Variants in HAUS1 observed in about 807,000 individuals in gnomAD.
HAUS1 encodes HAUS augmin-like complex subunit 1.
In HAUS1, 25 loss-of-function variants were observed where a neutral mutation model predicts 38.6. That is an observed-to-expected ratio of 0.65 (90% CI 0.47 to 0.91). The LOEUF (loss-of-function observed/expected upper bound fraction) is 0.91. Among genes scored for constraint, HAUS1 ranks in the 40% least tolerant of loss-of-function variants. The pLI, the probability that HAUS1 is intolerant of heterozygous loss-of-function variation, is 0.00. For synonymous variants in HAUS1, 109 were observed against 112.9 expected (o/e 0.97, Z 0.22); for missense variants, 325 against 328.4 (o/e 0.99, Z 0.08).
In HAUS1 at chr18:46,128,114, A is replaced by T. The variant is rs777640499; in HGVS notation, c.826A>T (p.Met276Leu). Reference protein sequence around the residue: ...EAELTRRVDMMEL With the variant: ...EAELTRRVDMLEL Reference sequence around the variant, plus strand: ...TGAACTTACAAGAAGAGTAGACATGATGGAACTGTGACAAAAGCCAAATAA... The same window carrying T: ...TGAACTTACAAGAAGAGTAGACATGTTGGAACTGTGACAAAAGCCAAATAA... The change falls in exon 9 of 9, where the codon ATG becomes TTG. Residue 276 changes from methionine (M) to leucine (L), a missense_variant. Transcript: ENST00000282058. 1.3e-6 allele frequency: 2 copies of T among 1,587,838 alleles called. No homozygotes were observed. The highest frequency in any genetic ancestry group is 1.7e-6 in the Non-Finnish European group (2 of 1,169,620).
At chr18:46,115,264 A>G (rs1010188988) in intron 2 of HAUS1, 2 of 152,226 alleles carry the variant, frequency 1.3e-5, no homozygotes, top group African/African-American at 4.8e-5. Flanking sequence ...GTTTGAGACC[A>G]GCTTTGCCAA....
chr18:46,120,868 G>T (rs890891063), intron 4 of HAUS1, among the ~76,000 whole-genome samples: 1 of 152,168 alleles, frequency 6.6e-6, no homozygotes, highest in East Asian at 1.9e-4. Context: ...TTACAGGCAT[G>T]AGCCACCGCA....
chr18:46,112,484 G>A (rs1467945594), intron 2 of HAUS1, among the ~76,000 whole-genome samples: 59 of 24,580 alleles, frequency 2.4e-3, no homozygotes, highest in African/African-American at 0.011. Flanking sequence ...TATATAATGT[G>A]TATATATTCC....
chr18:46,107,018 C>CA (rs138527062), intron 2 of HAUS1, among the ~76,000 whole-genome samples: 9,259 of 149,928 alleles, frequency 0.062, 377 homozygotes, highest in African/African-American at 0.12. Context: ...CTCTCAACAA[C>CA]AAAAAAAAAT....
chr18:46,125,796 G>A lies in HAUS1; in HGVS notation c.786+5G>A, dbSNP rs1912087813. 1.3e-6 allele frequency: 2 copies of A among 1,563,974 alleles called. No homozygotes were observed. The highest frequency in any genetic ancestry group is 8.8e-7 in the Non-Finnish European group (1 of 1,141,010). On this transcript the variant is annotated splice_donor_5th_base_variant and intron_variant, in intron 8 of 8. Coordinates refer to ENST00000282058, the MANE Select transcript of HAUS1 (RefSeq NM_138443.4). ...GAAGAAGCAAAGCGAGAACTAGTAAGTAGTTCCTGTAATTTTTTCAGATTT... is the reference window on the plus strand; with the variant it reads ...GAAGAAGCAAAGCGAGAACTAGTAAATAGTTCCTGTAATTTTTTCAGATTT...
Position 46,125,240 on chromosome 18 carries a change from A to T in HAUS1, c.738+347A>T, listed in dbSNP as rs908343491. Among the ~76,000 whole-genome samples the T allele has an allele frequency of 3.9e-5, 6 of 152,020 alleles. No individual in the cohort carries two copies. The East Asian group carries it at 1.2e-3, about 29-fold the overall frequency. On this transcript the variant is annotated intron_variant, in intron 7 of 8. Coordinates refer to ENST00000282058, the MANE Select transcript of HAUS1 (RefSeq NM_138443.4). ...GTGCCACCACACTCCAGCCTGCTCA[A>T]CAGAGCAAGACTCCATCTCAAAAAA...
chr18:46,111,613 C>T (rs573532843), intron 2 of HAUS1, among the ~76,000 whole-genome samples: 11 of 152,032 alleles, frequency 7.2e-5, no homozygotes, highest in Non-Finnish European at 1.3e-4. Context: ...TGAGCCACAG[C>T]GCCCAGCCTA....
At chr18:46,117,351 A>T (rs1395617698) in intron 2 of HAUS1, among the ~76,000 whole-genome samples, 1 of 152,272 alleles carries the variant, frequency 6.6e-6, no homozygotes, top group Non-Finnish European at 1.5e-5. Context: ...TTATTCAGCC[A>T]TAAGAAGGAA....
chr18:46,104,664 C>T (rs2144238571), intron 1 of HAUS1, among the ~76,000 whole-genome samples: 1 of 152,216 alleles, frequency 6.6e-6, no homozygotes, highest in South Asian at 2.1e-4. Context: ...GGATCTGGCC[C>T]GGGAGAGGCG....
intron 2 of HAUS1, among the ~76,000 whole-genome samples, chr18:46,114,181 A>G (rs1644878833): frequency 6.6e-6 from 1 of 152,206 alleles, no homozygotes; most frequent in South Asian, 2.1e-4. Flanking sequence ...TAATTGCCCT[A>G]CAGTTTAGCC....
intron 3 of HAUS1, 148 bp from the exon 4 acceptor site, chr18:46,119,778 A>G: frequency 3.4e-6 from 2 of 591,986 alleles, no homozygotes; most frequent in Non-Finnish European, 5.4e-6. Context: ...ATTCCAGGCA[A>G]TGGGAACAGT....
chr18:46,124,892 C>T lies in HAUS1; in HGVS notation c.737C>T (p.Pro246Leu), dbSNP rs773290948. ...KKLESYLDLM[P>L]NPSLAQVKIE... The stretch of plus-strand genomic sequence containing the variant: ...TTGGAGTCCTATTTAGACTTAATGC[C>T]GGTAATAATTTTCGCGAATTAAAAA... Residue 246 changes from proline to leucine, a missense_variant and splice_region_variant, in exon 7 of 9, where the codon CCG (proline) becomes CTG (leucine). Transcript: ENST00000282058. The T allele has an allele frequency of 7.8e-6, 12 of 1,544,928 alleles. No homozygotes were observed. The highest frequency in any genetic ancestry group is 4.5e-5 in the South Asian group (4 of 89,054).
chr18:46,122,952 C>G (rs1785617767), intron 5 of HAUS1, among the ~76,000 whole-genome samples: 2 of 152,156 alleles, frequency 1.3e-5, no homozygotes, highest in Non-Finnish European at 2.9e-5. Flanking sequence ...GTGGCTCACG[C>G]CTGTAATCCA....
At chr18:46,119,133 T>G (rs529584297) in intron 3 of HAUS1, among the ~76,000 whole-genome samples, 1 of 152,238 alleles carries the variant, frequency 6.6e-6, no homozygotes, top group East Asian at 1.9e-4. Context: ...CCTCCCAAAG[T>G]GCTGGGATTA....
chr18:46,118,533 G>T, intron 3 of HAUS1: 1 of 505,744 alleles, frequency 2.0e-6, no homozygotes. Context: ...GATTTATGAA[G>T]GGTGGTTCTC....
chr18:46,115,537 A>G (rs1168417651), intron 2 of HAUS1, among the ~76,000 whole-genome samples: 11 of 150,970 alleles, frequency 7.3e-5, no homozygotes, highest in African/African-American at 2.7e-4. Flanking sequence ...CTGAGGTGGG[A>G]GGATTGCTTG....
chr18:46,108,778 A>G (rs1911540370), intron 2 of HAUS1, among the ~76,000 whole-genome samples: 1 of 152,156 alleles, frequency 6.6e-6, no homozygotes, highest in South Asian at 2.1e-4. Flanking sequence ...GGGTATAAAG[A>G]AAAGAGGTTT....
rs931239255 is a variant in HAUS1, at chr18:46,118,410, G to T, written c.341+94G>T. 8 of 1,234,902 alleles carry T rather than the reference G, an allele frequency of 6.5e-6. No individual in the cohort carries two copies. The African/African-American group carries it at 7.6e-5, about 12-fold the overall frequency. 76.5% of individuals were successfully genotyped at this position (1,234,902 alleles called of 1,614,324 possible). On this transcript the variant is annotated intron_variant, in intron 3 of 8. Transcript: ENST00000282058. ...CAGCATAATTCTATATGAAAAATTG[G>T]CAATAAATACAAAGCACTGAATTTA...
At chr18:46,120,167 G>T in intron 4 of HAUS1, 107 bp downstream of exon 4, 1 of 713,246 alleles carries the variant, frequency 1.4e-6, no homozygotes, top group African/African-American at 1.8e-5. Context: ...ATTAGGAAAT[G>T]GGATCCATAA....
Sources: gnomAD v4.1 joint callset for allele counts (sites outside exome capture counted in the v4.1 genomes callset) on GRCh38, gnomAD v4.1.1 for gene constraint, MANE v1.5 for transcripts, NCBI Gene and HGNC (gene_info 2026-07-23, HGNC 2026-07-21) for gene names.